Variants in UBE2K observed in about 807,000 individuals in gnomAD.
UBE2K encodes the protein ubiquitin-conjugating enzyme E2 K.
In UBE2K, 6 loss-of-function variants were observed where a neutral mutation model predicts 30.0. That is an observed-to-expected ratio of 0.20 (90% CI 0.11 to 0.39). The LOEUF is 0.39. UBE2K is among the 10% of genes least tolerant of loss of function. The pLI, the probability that UBE2K is intolerant of heterozygous loss-of-function variation, is 1.00. For synonymous variants in UBE2K, 86 were observed against 83.7 expected (o/e 1.03, Z -0.15); for missense variants, 61 against 241.6 (o/e 0.25, Z 4.96).
intron 4 of UBE2K, among the ~76,000 whole-genome samples, chr4:39,760,777 ATAAAAAT>A (rs1461261546): frequency 6.6e-6 from 1 of 152,192 alleles, no homozygotes; most frequent in Non-Finnish European, 1.5e-5. Context: ...GTCTCAAAAA[ATAAAAAT>A]TAAAATTAAA....
chr4:39,702,226 C>CTTTTTTTTT (rs1277061547), intron 1 of UBE2K, among the ~76,000 whole-genome samples: 1 of 90,826 alleles, frequency 1.1e-5, no homozygotes, highest in African/African-American at 3.3e-5. Context: ...CTTTTCTTTT[C>CTTTTTTTTT]TTTTCTTTTT....
chr4:39,750,620 A>T (rs1721207144), intron 3 of UBE2K, among the ~76,000 whole-genome samples: 1 of 150,920 alleles, frequency 6.6e-6, no homozygotes, highest in South Asian at 2.1e-4. Flanking sequence ...TCTCAAACTC[A>T]TAGCCTCAAA....
At chr4:39,751,317 C>T (rs1022333191) in intron 3 of UBE2K, among the ~76,000 whole-genome samples, 1 of 152,132 alleles carries the variant, frequency 6.6e-6, no homozygotes, top group African/African-American at 2.4e-5. Flanking sequence ...TTAATTGGGT[C>T]TTGGCTTTTT....
At chr4:39,762,224 TTTTA>T (rs1712002221) in intron 4 of UBE2K, among the ~76,000 whole-genome samples, 1 of 149,992 alleles carries the variant, frequency 6.7e-6, no homozygotes, top group African/African-American at 2.5e-5. Flanking sequence ...TTGAAATTTA[TTTTA>T]TTTATTTACT....
chr4:39,732,576 A>T (rs1720131576), intron 1 of UBE2K, among the ~76,000 whole-genome samples: 1 of 152,020 alleles, frequency 6.6e-6, no homozygotes, highest in Admixed American at 6.6e-5. Context: ...ATCTCATTCA[A>T]ATTAGCTTCA....
chr4:39,780,335 G>A lies in UBE2K; in HGVS notation c.*1901G>A, dbSNP rs145939184. ...TTTTTAAGTGGAGGGCAACTTGGTA[G>A]TATTAGTAGAATTTGGGTTTAAAAA... On this transcript the variant is annotated 3_prime_UTR_variant, in exon 7 of 7. Coordinates refer to ENST00000261427, the MANE Select transcript of UBE2K (RefSeq NM_005339.5). 2 of 152,248 alleles carry A rather than the reference G, an allele frequency of 1.3e-5. No individual in the cohort carries two copies. The highest frequency in any genetic ancestry group is 3.9e-4 in the East Asian group (2 of 5,190). The allele number at this position is 152,248 out of a possible 1,614,324, so 9.4% of individuals were successfully genotyped here.
At chr4:39,737,578 A>C (rs1199360752) in intron 2 of UBE2K, 65 bp downstream of exon 2, 2 of 1,048,126 alleles carry the variant, frequency 1.9e-6, no homozygotes, top group African/African-American at 1.7e-5. Flanking sequence ...ATTTAATCAG[A>C]ATAATCTTAA....
intron 4 of UBE2K, chr4:39,770,813 G>T: frequency 6.4e-7 from 1 of 1,552,260 alleles, no homozygotes; most frequent in Non-Finnish European, 8.7e-7. Context: ...CCACCTTGAC[G>T]ATGCAGATGT....
intron 1 of UBE2K, among the ~76,000 whole-genome samples, chr4:39,720,772 C>T (rs1719377047): frequency 1.3e-5 from 2 of 152,126 alleles, no homozygotes; most frequent in Admixed American, 6.6e-5. Context: ...GAGACTAGGT[C>T]TCAGTTTGTT....
At chr4:39,755,517 C>A in intron 3 of UBE2K, 140 bp from the exon 4 acceptor site, 1 of 603,316 alleles carries the variant, frequency 1.7e-6, no homozygotes, top group South Asian at 2.1e-5. Flanking sequence ...TCTTCTACAC[C>A]CCTTCTTTCA....
intron 4 of UBE2K, chr4:39,770,642 A>G (rs966389368): frequency 2.6e-5 from 41 of 1,597,506 alleles, no homozygotes; most frequent in Non-Finnish European, 3.3e-5. Flanking sequence ...CCGACAGGCT[A>G]TAGCAGGCCT....
At chr4:39,707,055 C>G (rs901336499) in intron 1 of UBE2K, among the ~76,000 whole-genome samples, 1 of 151,928 alleles carries the variant, frequency 6.6e-6, no homozygotes, top group South Asian at 2.1e-4. Flanking sequence ...TACAGGCATG[C>G]GCCACCACAC....
rs1712795383 is a variant in UBE2K at position 39,771,168 on chromosome 4, C to A, written c.300-3666C>A. 5 of 1,612,970 alleles carry A rather than the reference C, an allele frequency of 3.1e-6. No homozygotes were observed. In the East Asian group the frequency reaches 1.1e-4, roughly 36 times the overall value. ...CCCTAACAGCGAATTCCAGGGTGCC[C>A]GTGTAGCAGGAGAGAAGCAGGTCGG... On this transcript the variant is annotated intron_variant, in intron 4 of 6. Coordinates refer to ENST00000261427, the MANE Select transcript of UBE2K (RefSeq NM_005339.5).
chr4:39,750,962 C>CT (rs1192630477), intron 3 of UBE2K, among the ~76,000 whole-genome samples: 5 of 152,036 alleles, frequency 3.3e-5, no homozygotes, highest in Admixed American at 2.0e-4. Context: ...CCAGGCTGCT[C>CT]TCGAACTCCT....
chr4:39,726,156 C>G (rs1385220982), intron 1 of UBE2K, among the ~76,000 whole-genome samples: 2 of 152,036 alleles, frequency 1.3e-5, no homozygotes, highest in Admixed American at 1.3e-4. Flanking sequence ...CCCCAATAAT[C>G]TGTCTTTATG....
intron 2 of UBE2K, among the ~76,000 whole-genome samples, chr4:39,743,057 AAAG>A (rs1292470120): frequency 6.6e-6 from 1 of 151,994 alleles, no homozygotes; most frequent in Non-Finnish European, 1.5e-5. Flanking sequence ...AAAAAAAAAA[AAAG>A]AGAAGGATTC....
chr4:39,763,590 T>C (rs1014856279), intron 4 of UBE2K, among the ~76,000 whole-genome samples: 1 of 152,020 alleles, frequency 6.6e-6, no homozygotes, highest in Admixed American at 6.6e-5. Flanking sequence ...AACTCAGTCA[T>C]CACCAATGGG....
rs75637970 is a variant in UBE2K at position 39,728,485 on chromosome 4, A to C, written c.64-8935A>C. On this transcript the variant is annotated intron_variant, in intron 1 of 6. Transcript: ENST00000261427. Reference sequence around the variant, plus strand: ...AGCGATGTATTAGGTATTATTGTTGATCGTTCAGCAACATTACCCACTGTT... The same window carrying C: ...AGCGATGTATTAGGTATTATTGTTGCTCGTTCAGCAACATTACCCACTGTT... Among the ~76,000 whole-genome samples, 893 of 152,218 alleles carry C rather than the reference A, an allele frequency of 5.9e-3. 7 individuals are homozygous for C. Among genetic ancestry groups the C allele is most frequent in the African/African-American group, 0.02 (848 of 41,528 alleles).
chr4:39,707,573 G>T (rs1223429246), intron 1 of UBE2K, among the ~76,000 whole-genome samples: 1 of 149,794 alleles, frequency 6.7e-6, no homozygotes, highest in African/African-American at 2.5e-5. Flanking sequence ...TCACTCTGTC[G>T]CCCAGGGGCA....
Sources: gnomAD v4.1 joint callset for allele counts (sites outside exome capture counted in the v4.1 genomes callset) on GRCh38, gnomAD v4.1.1 for gene constraint, MANE v1.5 for transcripts, NCBI Gene and HGNC (gene_info 2026-07-23, HGNC 2026-07-21) for gene names.